Variants in PTPRT observed in about 807,000 individuals in gnomAD.
The protein encoded by PTPRT is protein tyrosine phosphatase receptor type T.
Under a neutral mutation model 176.8 loss-of-function variants are expected in PTPRT, and 56 were observed. The observed-to-expected ratio is 0.32, with a 90% CI of 0.26 to 0.40. The LOEUF (loss-of-function observed/expected upper bound fraction) is 0.40. Ranked by LOEUF, PTPRT falls within the 10% of genes least tolerant of loss-of-function variation. PTPRT has a pLI of 1.00. For missense variants in PTPRT, 1,540 were observed against 1,908.2 expected (o/e 0.81, Z 3.60); for synonymous variants, 783 against 739.0 (o/e 1.06, Z -0.96).
chr20:42,126,617 C>T (rs1025726296), intron 19 of PTPRT, among the ~76,000 whole-genome samples: 2 of 152,188 alleles, frequency 1.3e-5, no homozygotes, highest in East Asian at 3.8e-4. Flanking sequence ...ACTTCCCTTT[C>T]CCACCAACTT....
intron 12 of PTPRT, among the ~76,000 whole-genome samples, chr20:42,302,447 C>T (rs1568754962): frequency 6.6e-6 from 1 of 152,166 alleles, no homozygotes; most frequent in Admixed American, 6.5e-5. Context: ...GCAAAACATA[C>T]ACTTTCCTCT....
At chr20:42,561,386 G>C (rs1453877488) in intron 7 of PTPRT, among the ~76,000 whole-genome samples, 1 of 152,184 alleles carries the variant, frequency 6.6e-6, no homozygotes, top group Non-Finnish European at 1.5e-5. Context: ...AGTTGTTTCT[G>C]GATTGCAAGT....
At chr20:42,345,616 GTGTATA>G (rs780521712) in intron 11 of PTPRT, among the ~76,000 whole-genome samples, 17 of 114,268 alleles carry the variant, frequency 1.5e-4, no homozygotes, top group South Asian at 1.0e-3. Flanking sequence ...GTGTGTGTGT[GTGTATA>G]TATATGTATG....
chr20:42,778,426 T>C (rs1645251944), intron 4 of PTPRT, among the ~76,000 whole-genome samples: 1 of 152,074 alleles, frequency 6.6e-6, no homozygotes, highest in Admixed American at 6.5e-5. Flanking sequence ...CATGCTATTT[T>C]CCCTTGGGAA....
At chr20:42,455,978 G>T (rs930185460) in intron 8 of PTPRT, among the ~76,000 whole-genome samples, 5 of 151,924 alleles carry the variant, frequency 3.3e-5, no homozygotes, top group African/African-American at 1.2e-4. Flanking sequence ...TTGAATTTTA[G>T]TTGCATGTAT....
At chr20:42,159,317 A>AT (rs1337747246) in intron 17 of PTPRT, among the ~76,000 whole-genome samples, 1 of 149,790 alleles carries the variant, frequency 6.7e-6, no homozygotes, top group East Asian at 2.0e-4. Context: ...TGCCTTCCTC[A>AT]CTTTCTTGCT....
chr20:42,185,796 G>A (rs1174670231), intron 16 of PTPRT, among the ~76,000 whole-genome samples: 1 of 152,068 alleles, frequency 6.6e-6, no homozygotes, highest in Non-Finnish European at 1.5e-5. Flanking sequence ...TTCATTCTGT[G>A]CCACATGCTG....
chr20:42,184,592 T>TTCTTCTTCTTCTTCC (rs1283757363), intron 16 of PTPRT, among the ~76,000 whole-genome samples: 2 of 141,516 alleles, frequency 1.4e-5, no homozygotes, highest in African/African-American at 5.6e-5. Flanking sequence ...CTTCTTCTTC[T>TTCTTCTTCTTCTTCC]TCCTCTTCTT....
chr20:43,184,794 C>T (rs542370105), intron 1 of PTPRT, among the ~76,000 whole-genome samples: 4 of 152,240 alleles, frequency 2.6e-5, no homozygotes, highest in South Asian at 2.1e-4. Context: ...ACTTCTGTTA[C>T]GTCCCTTTGG....
intron 7 of PTPRT, among the ~76,000 whole-genome samples, chr20:42,676,383 T>A (rs1218605014): frequency 1.3e-5 from 2 of 152,184 alleles, no homozygotes; most frequent in Non-Finnish European, 2.9e-5. Context: ...GTATGCACTT[T>A]CCCTTGCTGT....
At chr20:42,280,159 C>T (rs774065479) in intron 13 of PTPRT, among the ~76,000 whole-genome samples, 1 of 152,116 alleles carries the variant, frequency 6.6e-6, no homozygotes, top group Non-Finnish European at 1.5e-5. Context: ...TGATTCCCAG[C>T]TTTAGGTTCT....
chr20:42,840,462 G>C (rs1319899310), intron 2 of PTPRT, among the ~76,000 whole-genome samples: 1 of 151,974 alleles, frequency 6.6e-6, no homozygotes, highest in African/African-American at 2.4e-5. Flanking sequence ...GTCCAGGCTG[G>C]AGTGCAATGG....
chr20:42,575,398 C>T (rs993217994), intron 7 of PTPRT, among the ~76,000 whole-genome samples: 3 of 152,198 alleles, frequency 2.0e-5, no homozygotes, highest in Non-Finnish European at 2.9e-5. Flanking sequence ...AGTTAAAAAC[C>T]GGTAGAATGG....
At chr20:42,447,307 T>A (rs1346591327) in intron 9 of PTPRT, among the ~76,000 whole-genome samples, 1 of 152,028 alleles carries the variant, frequency 6.6e-6, no homozygotes, top group Admixed American at 6.6e-5. Context: ...CCACCTTTAT[T>A]TTACAGGTGA....
chr20:42,240,028 G>A (rs1224904308), intron 14 of PTPRT, among the ~76,000 whole-genome samples: 1 of 152,124 alleles, frequency 6.6e-6, no homozygotes, highest in Non-Finnish European at 1.5e-5. Flanking sequence ...GAGCATTCTG[G>A]ACCTTCTAGT....
chr20:42,150,603 C>T (rs1294668854), intron 17 of PTPRT, among the ~76,000 whole-genome samples: 1 of 152,188 alleles, frequency 6.6e-6, no homozygotes, highest in Non-Finnish European at 1.5e-5. Flanking sequence ...CACTTGCACA[C>T]TAACTGTGTA....
chr20:42,212,195 C>T (rs2146742648), intron 15 of PTPRT, among the ~76,000 whole-genome samples: 1 of 143,490 alleles, frequency 7.0e-6, no homozygotes, highest in African/African-American at 2.6e-5. Flanking sequence ...ATACCTAATG[C>T]TAGATGACGA....
intron 1 of PTPRT, among the ~76,000 whole-genome samples, chr20:43,009,979 C>T (rs1985038571): frequency 6.6e-6 from 1 of 152,124 alleles, no homozygotes; most frequent in African/African-American, 2.4e-5. Context: ...AGGCCAAACT[C>T]ATCATCTTTC....
intron 5 of PTPRT, among the ~76,000 whole-genome samples, chr20:42,768,554 G>A (rs935896645): frequency 1.3e-5 from 2 of 152,190 alleles, no homozygotes; most frequent in African/African-American, 2.4e-5. Flanking sequence ...TGTGAACTGT[G>A]TATCTGACAA....
Sources: allele counts gnomAD v4.1 joint callset (sites outside exome capture counted in the v4.1 genomes callset), GRCh38; gene constraint gnomAD v4.1.1; transcripts MANE v1.5; gene names NCBI Gene and HGNC (gene_info 2026-07-23, HGNC 2026-07-21).